The following SLC27A1 variants were observed in gnomAD, a reference collection of about 807,000 sequenced individuals.
SLC27A1 encodes the protein long-chain fatty acid transport protein 1.
Under a neutral mutation model 62.2 loss-of-function variants are expected in SLC27A1, and 61 were observed. That is an observed-to-expected ratio of 0.98 (90% CI 0.80 to 1.21). The LOEUF is 1.21. SLC27A1 is among the 50% of genes most tolerant of loss of function. SLC27A1 has a pLI of 0.00. For missense variants in SLC27A1, 903 were observed against 932.1 expected (o/e 0.97, Z 0.41); for synonymous variants, 435 against 408.6 (o/e 1.06, Z -0.78).
chr19:17,473,839 G>C (rs1448019217), intron 1 of SLC27A1, among the ~76,000 whole-genome samples: 1 of 152,120 alleles, frequency 6.6e-6, no homozygotes, highest in Non-Finnish European at 1.5e-5. Flanking sequence ...TCCAGACTGG[G>C]CAACATGAGC....
chr19:17,468,889 G>A (rs1323744171), upstream of SLC27A1: 4 of 152,662 alleles, frequency 2.6e-5, no homozygotes, highest in East Asian at 7.7e-4. Context: ...AGTAGGCACA[G>A]CGCACCCAAG....
At chr19:17,502,299 C>A (rs1381220829) in intron 11 of SLC27A1, among the ~76,000 whole-genome samples, 1 of 145,576 alleles carries the variant, frequency 6.9e-6, no homozygotes, top group African/African-American at 2.6e-5. Flanking sequence ...TATTTCCATT[C>A]CTCACTTCCA....
rs936861463 is a variant in SLC27A1 at position 17,501,542 on chromosome 19, G to A, written c.1783+123G>A. ...GCCGGGGCCAGGCACGGTGGCTCAC[G>A]CCTGTAATCCCAGCACTTTGGGAGG... On this transcript the variant is annotated intron_variant, in intron 11 of 11. Coordinates refer to ENST00000252595, the MANE Select transcript of SLC27A1 (RefSeq NM_198580.3). 15 of 1,352,588 alleles carry A rather than the reference G, an allele frequency of 1.1e-5. No individual in the cohort carries two copies. In the Middle Eastern group the frequency reaches 7.6e-4, roughly 68 times the overall value. The allele number at this position is 1,352,588 out of a possible 1,614,324, so 83.8% of individuals were successfully genotyped here. A position where few individuals can be genotyped will look rare whatever the true frequency, so the allele number is the denominator to read the frequency against.
At chr19:17,476,624 C>T (rs1232809589) in intron 1 of SLC27A1, among the ~76,000 whole-genome samples, 3 of 151,618 alleles carry the variant, frequency 2.0e-5, no homozygotes, top group African/African-American at 2.4e-5. Flanking sequence ...CCACTGGCTA[C>T]GTCGCCAGCA....
chr19:17,479,750 T>G (rs2075157816), intron 1 of SLC27A1, among the ~76,000 whole-genome samples: 1 of 152,052 alleles, frequency 6.6e-6, no homozygotes, highest in African/African-American at 2.4e-5. Flanking sequence ...TTCAAGTGAT[T>G]CTTGTGCCTC....
Position 17,500,601 on chromosome 19 carries a change from C to G in SLC27A1, c.1440C>G (p.Val480=), listed in dbSNP as rs768233282. 35 of 1,613,824 alleles carry G rather than the reference C, an allele frequency of 2.2e-5. No homozygotes were observed. The highest frequency in any genetic ancestry group is 3.0e-5 in the Non-Finnish European group (35 of 1,179,994). Residue 480 remains valine, a synonymous_variant, in exon 9 of 12, where the codon GTC becomes GTG. Transcript: ENST00000252595. Reference sequence around the variant, plus strand: ...CCAGCAAGAAGATCGCCCACAGCGTCTTCAGCAAGGGCGACAGCGCCTACC... The same window carrying G: ...CCAGCAAGAAGATCGCCCACAGCGTGTTCAGCAAGGGCGACAGCGCCTACC... ...SATSKKIAHS[V]FSKGDSAYLS...
chr19:17,473,690 T>C (rs889697545), intron 1 of SLC27A1, among the ~76,000 whole-genome samples: 9 of 152,112 alleles, frequency 5.9e-5, no homozygotes, highest in African/African-American at 2.2e-4. Context: ...GGCGAAGCCT[T>C]GTCTCTACTG....
upstream of SLC27A1, among the ~76,000 whole-genome samples, chr19:17,469,340 A>C (rs1299404958): frequency 6.6e-6 from 1 of 152,040 alleles, no homozygotes; most frequent in Non-Finnish European, 1.5e-5. Flanking sequence ...TAAGACCGAA[A>C]GAGGCTTTGG....
intron 4 of SLC27A1, 197 bp from the exon 5 acceptor site, chr19:17,488,651 C>T (rs2075262134): frequency 4.9e-6 from 3 of 616,984 alleles, no homozygotes; most frequent in South Asian, 1.8e-5. Flanking sequence ...CTCTATGCCC[C>T]TTGACCCTAT....
At chr19:17,487,097 C>T in intron 2 of SLC27A1, 77 bp from the exon 3 acceptor site, 2 of 1,600,648 alleles carry the variant, frequency 1.2e-6, no homozygotes, top group South Asian at 2.2e-5. Flanking sequence ...ATGCCCCGGG[C>T]AGGGAGTTGG....
At chr19:17,480,523 T>C (rs1394309689) in intron 1 of SLC27A1, among the ~76,000 whole-genome samples, 2 of 144,366 alleles carry the variant, frequency 1.4e-5, no homozygotes, top group South Asian at 2.2e-4. Context: ...CATGCCACAA[T>C]GGCCAGTTAA....
At chr19:17,480,544 T>TC (rs1555743184) in intron 1 of SLC27A1, among the ~76,000 whole-genome samples, 38 of 143,338 alleles carry the variant, frequency 2.7e-4, no homozygotes, top group African/African-American at 9.0e-4. Flanking sequence ...TTTTTTTCTT[T>TC]TTTTTTTTTT....
chr19:17,495,283 A>AT (rs71874067), intron 6 of SLC27A1: 103,076 of 129,910 alleles, frequency 0.79, 41,667 homozygotes, highest in Non-Finnish European at 0.89. Context: ...CCATGTGCCC[A>AT]TTTTTTTTTT....
rs553776891 is a variant in SLC27A1 at position 17,473,314 on chromosome 19, C to T, written c.167+2607C>T. 2.7e-4 allele frequency among the ~76,000 whole-genome samples: 41 copies of T among 152,304 alleles called. No individual in the cohort carries two copies. In the South Asian group the frequency reaches 5.6e-3, roughly 21 times the overall value. ...TCATGTGAGGTTATGAGTCATCGATCGAGATTTCACCCCTTCCTCCTAACA... is the reference window on the plus strand; with the variant it reads ...TCATGTGAGGTTATGAGTCATCGATTGAGATTTCACCCCTTCCTCCTAACA... On this transcript the variant is annotated intron_variant, in intron 1 of 11. Coordinates refer to ENST00000252595, the MANE Select transcript of SLC27A1 (RefSeq NM_198580.3).
chr19:17,500,742 A>G lies in SLC27A1; in HGVS notation c.1502A>G (p.Tyr501Cys). 3 of 1,614,044 alleles carry G rather than the reference A, an allele frequency of 1.9e-6. No individual in the cohort carries two copies. The highest frequency in any genetic ancestry group is 2.5e-6 in the Non-Finnish European group (3 of 1,180,012). Residue 501 changes from tyrosine to cysteine, a missense_variant, in exon 10 of 12, where the codon TAC becomes TGC. Transcript: ENST00000252595. ...GDVLVMDELGYMYFRDRSGDT... is the reference protein window; with the variant it reads ...GDVLVMDELGCMYFRDRSGDT... ...GTGCTAGTGATGGATGAGCTGGGCT[A>G]CATGTACTTCCGGGACCGTAGCGGG...
Position 17,473,622 on chromosome 19 carries a change from G to A in SLC27A1, c.167+2915G>A, listed in dbSNP as rs185468390. ...CACACCTGTAATCCCAGCACTTTGG[G>A]AGGCCGAAGCGGGTGGATCACCTGA... On this transcript the variant is annotated intron_variant, in intron 1 of 11. Transcript: ENST00000252595. Among the ~76,000 whole-genome samples the A allele has an allele frequency of 4.5e-3, 683 of 152,302 alleles. 5 individuals carry two copies. Among genetic ancestry groups the A allele is most frequent in the African/African-American group, 0.015 (641 of 41,554 alleles).
At chr19:17,472,655 T>C (rs2075088202) in intron 1 of SLC27A1, among the ~76,000 whole-genome samples, 1 of 151,984 alleles carries the variant, frequency 6.6e-6, no homozygotes, top group African/African-American at 2.4e-5. Context: ...GCCTCCCAAG[T>C]AGCTGGGACT....
At chr19:17,497,013 A>G in intron 6 of SLC27A1, 1 of 455,606 alleles carries the variant, frequency 2.2e-6, no homozygotes, top group Non-Finnish European at 3.8e-6. Context: ...GCACAGGGAG[A>G]CCCCCAACCA....
chr19:17,471,066 A>T (rs1039305565), intron 1 of SLC27A1, among the ~76,000 whole-genome samples: 12 of 148,842 alleles, frequency 8.1e-5, no homozygotes, highest in Non-Finnish European at 1.6e-4. Flanking sequence ...GCTGACTGGA[A>T]ATCCGTGGCG....
Sources: allele counts gnomAD v4.1 joint callset (sites outside exome capture counted in the v4.1 genomes callset), GRCh38; gene constraint gnomAD v4.1.1; transcripts MANE v1.5; gene names NCBI Gene and HGNC (gene_info 2026-07-23, HGNC 2026-07-21).